The following SLC29A3 variants were observed in gnomAD, a reference collection of about 807,000 sequenced individuals.
The protein encoded by SLC29A3 is equilibrative nucleoside transporter 3.
SLC29A3 carries 18 observed loss-of-function variants against 25.4 expected under a neutral mutation model. The ratio of observed to expected loss-of-function variants is 0.71; its 90% CI spans 0.49 to 1.05. The LOEUF (loss-of-function observed/expected upper bound fraction) is 1.05, where lower values mean the gene tolerates loss of function less well. SLC29A3 is among the 50% of genes least tolerant of loss of function. The pLI, the probability that SLC29A3 is intolerant of heterozygous loss-of-function variation, is 0.00. For synonymous variants in SLC29A3, 258 were observed against 267.1 expected (o/e 0.97, Z 0.33); for missense variants, 586 against 609.0 (o/e 0.96, Z 0.40).
intron 2 of SLC29A3, among the ~76,000 whole-genome samples, chr10:71,324,561 A>C (rs1231048153): frequency 2.6e-5 from 4 of 152,210 alleles, no homozygotes; most frequent in African/African-American, 9.6e-5. Context: ...GTTAAACAAT[A>C]TGGGTTTGAA....
chr10:71,380,960 T>C (rs1268316896), exon 5 of SLC29A3: 2 of 152,234 alleles, frequency 1.3e-5, no homozygotes, highest in Admixed American at 6.5e-5. Flanking sequence ...AGACTCCATA[T>C]ACCTATCACC....
At chr10:71,344,155 T>C (rs1846494481) in intron 2 of SLC29A3, 54 bp from the exon 3 acceptor site, 5 of 1,402,012 alleles carry the variant, frequency 3.6e-6, no homozygotes, top group Admixed American at 1.7e-5. Context: ...CGCGTGGAAC[T>C]GCTCACCTCC....
chr10:71,325,434 A>G (rs1845943249), intron 2 of SLC29A3, among the ~76,000 whole-genome samples: 1 of 152,210 alleles, frequency 6.6e-6, no homozygotes, highest in African/African-American at 2.4e-5. Context: ...GTCCGATGAA[A>G]AGGAATAAAA....
intron 2 of SLC29A3, among the ~76,000 whole-genome samples, chr10:71,331,477 A>G (rs1252575551): frequency 2.0e-5 from 3 of 152,226 alleles, no homozygotes; most frequent in Non-Finnish European, 4.4e-5. Context: ...ATGATCCAGC[A>G]GAGAAGGAAA....
rs1291159554 is a variant in SLC29A3 at position 71,343,759 on chromosome 10, G to A, written c.301-450G>A. Among the ~76,000 whole-genome samples the A allele has an allele frequency of 2.6e-5, 4 of 152,178 alleles. No homozygotes were observed. The East Asian group carries it at 7.7e-4, about 29-fold the overall frequency. On this transcript the variant is annotated intron_variant, in intron 2 of 5. Coordinates refer to ENST00000373189, the MANE Select transcript of SLC29A3 (RefSeq NM_018344.6). ...GCTCAGGAGTTTGAGACCAGCCTGG[G>A]CAACATAGCAAGACCTCGTCTCTAC...
intron 5 of SLC29A3, among the ~76,000 whole-genome samples, chr10:71,358,505 C>T (rs1589242021): frequency 6.7e-6 from 1 of 150,296 alleles, no homozygotes; most frequent in Admixed American, 6.6e-5. Context: ...TGGCTCCAGG[C>T]TGACGTCCCC....
At position 71,335,320 on chromosome 10, in the gene SLC29A3, C is replaced by T. The variant is rs970656815; in HGVS notation, c.301-8889C>T. Among the ~76,000 whole-genome samples the T allele has an allele frequency of 5.9e-5, 9 of 152,338 alleles. No homozygotes were observed. The East Asian group carries it at 1.7e-3, about 29-fold the overall frequency. On this transcript the variant is annotated intron_variant, in intron 2 of 5. Transcript: ENST00000373189. ...CGAATCGGCCCTCAGCCACCCTTGC[C>T]TCCACGCGCCCCATCATTTCTCCAA...
intron 2 of SLC29A3, among the ~76,000 whole-genome samples, chr10:71,343,033 G>A (rs1846454252): frequency 1.3e-5 from 2 of 152,176 alleles, no homozygotes; most frequent in African/African-American, 4.8e-5. Flanking sequence ...AGGCTAAAGT[G>A]CAGTGGTTTA....
Position 71,362,082 on chromosome 10 carries a change from T to A in SLC29A3, c.902T>A (p.Ile301Asn), listed in dbSNP as rs1307741029. ...IDSHTPPLRP[I>N]LKKTASLGFC... is the part of the protein sequence containing the mutation. The stretch of plus-strand genomic sequence containing the variant: ...TCCCACACACCCCCTCTCCGCCCCA[T>A]CCTGAAGAAGACGGCCAGCCTGGGC... Residue 301 changes from isoleucine (I) to asparagine (N), a missense_variant, in exon 6 of 6, where the codon ATC becomes AAC. Coordinates refer to ENST00000373189, the MANE Select transcript of SLC29A3 (RefSeq NM_018344.6). 2.5e-6 allele frequency: 4 copies of A among 1,613,912 alleles called. No individual in the cohort carries two copies. The highest frequency in any genetic ancestry group is 3.4e-6 in the Non-Finnish European group (4 of 1,179,994).
intron 5 of SLC29A3, among the ~76,000 whole-genome samples, chr10:71,357,788 C>T (rs766335642): frequency 1.3e-5 from 2 of 152,146 alleles, no homozygotes; most frequent in Non-Finnish European, 2.9e-5. Context: ...GTCTTTCTCT[C>T]GTGTTTTATT....
At chr10:71,330,748 A>AGG (rs1846098874) in intron 2 of SLC29A3, among the ~76,000 whole-genome samples, 1 of 152,216 alleles carries the variant, frequency 6.6e-6, no homozygotes, top group Non-Finnish European at 1.5e-5. Flanking sequence ...GCCTTTACTA[A>AGG]GCTCTTACCA....
intron 3 of SLC29A3, among the ~76,000 whole-genome samples, chr10:71,371,005 T>A (rs1292143760): frequency 1.3e-5 from 2 of 152,168 alleles, no homozygotes; most frequent in Admixed American, 6.5e-5. Context: ...GGTCTCGAAC[T>A]CCTGAGCTCA....
chr10:71,348,346 T>G (rs1270472419), intron 3 of SLC29A3, among the ~76,000 whole-genome samples: 1 of 152,268 alleles, frequency 6.6e-6, no homozygotes, highest in Non-Finnish European at 1.5e-5. Flanking sequence ...TTTTCAGATT[T>G]AGAATCATTA....
At chr10:71,344,127 A>C in intron 2 of SLC29A3, 82 bp from the exon 3 acceptor site, 1 of 1,105,220 alleles carries the variant, frequency 9.0e-7, no homozygotes, top group Non-Finnish European at 1.4e-6. Context: ...CCCCACAGAG[A>C]GGGGCCCTGT....
chr10:71,372,083 C>T (rs1477047945), intron 3 of SLC29A3, among the ~76,000 whole-genome samples: 7 of 152,160 alleles, frequency 4.6e-5, no homozygotes, highest in South Asian at 4.1e-4. Context: ...AACCAGTCAT[C>T]GGTCACAGGA....
At chr10:71,379,296 G>A (rs186529905) in intron 4 of SLC29A3, among the ~76,000 whole-genome samples, 78 of 152,314 alleles carry the variant, frequency 5.1e-4, no homozygotes, top group African/African-American at 1.9e-3. Context: ...CTAAGTTTCT[G>A]AATTAGGCCC....
rs72542484 is a variant in SLC29A3, at chr10:71,319,396, G to T, written c.1+86G>T. The T allele has an allele frequency of 5.1e-4, 289 of 566,450 alleles. 2 individuals carry two copies. In the African/African-American group the frequency reaches 5.4e-3, roughly 11 times the overall value. 35.1% of individuals were successfully genotyped at this position (566,450 alleles called of 1,614,324 possible). A position where few individuals can be genotyped will look rare whatever the true frequency, so the allele number is the denominator to read the frequency against. ...TCAGCGACCTCCCTCCCGGGCCCTG[G>T]GGGCGGCTGCGGGCTGCCAGGGGAG... On this transcript the variant is annotated intron_variant, in intron 1 of 5. Coordinates refer to ENST00000373189, the MANE Select transcript of SLC29A3 (RefSeq NM_018344.6).
intron 1 of SLC29A3, among the ~76,000 whole-genome samples, chr10:71,321,063 A>G (rs781317477): frequency 6.6e-6 from 1 of 152,158 alleles, no homozygotes; most frequent in East Asian, 1.9e-4. Flanking sequence ...AGTACCTAAT[A>G]TATTAGGCTG....
intron 2 of SLC29A3, among the ~76,000 whole-genome samples, chr10:71,327,982 G>A (rs1311021439): frequency 2.0e-5 from 3 of 152,224 alleles, no homozygotes; most frequent in South Asian, 2.1e-4. Context: ...CCTTGGCCAA[G>A]AACAAAACAG....
Sources: allele counts gnomAD v4.1 joint callset (sites outside exome capture counted in the v4.1 genomes callset), GRCh38; gene constraint gnomAD v4.1.1; transcripts MANE v1.5; gene names NCBI Gene and HGNC (gene_info 2026-07-23, HGNC 2026-07-21).